DCC: variants seen among roughly 807,000 people sequenced by gnomAD.
The protein encoded by DCC is DCC netrin 1 receptor, also known as netrin receptor DCC.
In DCC, 58 loss-of-function variants were observed where a neutral mutation model predicts 172.5. The observed-to-expected ratio is 0.34, with a 90% confidence interval of 0.27 to 0.42. DCC has a LOEUF of 0.42. Ranked by LOEUF, DCC falls within the 10% of genes least tolerant of loss-of-function variation. The pLI is 1.00. For missense variants in DCC, 1,740 were observed against 1,791.0 expected, an observed-to-expected ratio of 0.97 and a Z score of 0.51; for synonymous variants, 709 against 644.5, an observed-to-expected ratio of 1.10 and a Z score of -1.52.
At chr18:53,300,904 T>G (rs1454265570) in intron 12 of DCC, among the ~76,000 whole-genome samples, 1 of 142,794 alleles carries the variant, frequency 7.0e-6, no homozygotes, top group Non-Finnish European at 1.6e-5. Flanking sequence ...GCTCCATGAC[T>G]GAAGCAGGGA....
At chr18:53,378,049 C>T (rs565890969) in intron 15 of DCC, among the ~76,000 whole-genome samples, 56 of 152,236 alleles carry the variant, frequency 3.7e-4, no homozygotes, top group South Asian at 3.5e-3. Context: ...GCAACTTCTG[C>T]GTCCTGGGTT....
intron 2 of DCC, among the ~76,000 whole-genome samples, chr18:52,881,290 T>C (rs1026154994): frequency 2.6e-5 from 4 of 152,140 alleles, no homozygotes; most frequent in African/African-American, 4.8e-5. Context: ...AAATATTTTC[T>C]TCCAATCTGT....
At chr18:53,284,996 A>G (rs893657395) in intron 12 of DCC, among the ~76,000 whole-genome samples, 1 of 151,960 alleles carries the variant, frequency 6.6e-6, no homozygotes, top group Non-Finnish European at 1.5e-5. Flanking sequence ...GGTGGAAGAA[A>G]TTTCTAAGCA....
chr18:52,391,595 G>A (rs1986032992), intron 1 of DCC, among the ~76,000 whole-genome samples: 1 of 152,084 alleles, frequency 6.6e-6, no homozygotes, highest in African/African-American at 2.4e-5. Context: ...TGTCAGTGAA[G>A]GTTATCATCT....
chr18:53,342,543 T>C (rs1446990205), intron 15 of DCC, among the ~76,000 whole-genome samples: 1 of 151,370 alleles, frequency 6.6e-6, no homozygotes, highest in Non-Finnish European at 1.5e-5. Flanking sequence ...AAAGTGTACT[T>C]TTTGGCATTT....
intron 5 of DCC, among the ~76,000 whole-genome samples, chr18:53,030,932 A>G (rs2042017886): frequency 6.6e-6 from 1 of 152,160 alleles, no homozygotes; most frequent in Admixed American, 6.6e-5. Context: ...ATGGGGCCAC[A>G]TTACCTATAT....
rs190292956 is a variant in DCC at position 53,136,211 on chromosome 18, A to G, written c.1262-21145A>G. 8.9e-4 allele frequency among the ~76,000 whole-genome samples: 134 copies of G among 150,354 alleles called. 1 individual carries two copies. The East Asian group carries it at 0.024, about 27-fold the overall frequency. On this transcript the variant is annotated intron_variant, in intron 7 of 28. Coordinates refer to ENST00000442544, the MANE Select transcript of DCC (RefSeq NM_005215.4). The stretch of plus-strand genomic sequence containing the variant: ...TGTGATTTTATCTATCTATCTATCT[A>G]TATATATATACACACACACACACAT...
intron 2 of DCC, among the ~76,000 whole-genome samples, chr18:52,775,242 C>T (rs1162467843): frequency 2.0e-5 from 3 of 152,058 alleles, no homozygotes; most frequent in Non-Finnish European, 4.4e-5. Context: ...TCTAGGGGAG[C>T]ATACAGATGG....
In DCC at chr18:52,910,775, A is replaced by G. The variant is rs183939518; in HGVS notation, c.697+4447A>G. Among the ~76,000 whole-genome samples the G allele has an allele frequency of 1.8e-3, 267 of 152,276 alleles. 1 individual carries two copies. Among genetic ancestry groups the G allele is most frequent in the African/African-American group, 6.1e-3 (255 of 41,574 alleles). On this transcript the variant is annotated intron_variant, in intron 3 of 28. Transcript: ENST00000442544. ...AATTGATCAATTGGTAATTCAATCT[A>G]TTATTTGTTTAACTACAGTTAGATG...
chr18:53,441,773 C>G (rs756451723), intron 22 of DCC, among the ~76,000 whole-genome samples: 1 of 152,172 alleles, frequency 6.6e-6, no homozygotes, highest in Admixed American at 6.5e-5. Context: ...ACCACTGACC[C>G]CTCTCCACAC....
intron 15 of DCC, among the ~76,000 whole-genome samples, chr18:53,381,980 C>T (rs1017092827): frequency 1.3e-5 from 2 of 151,686 alleles, no homozygotes; most frequent in African/African-American, 2.4e-5. Flanking sequence ...CAATCATATA[C>T]TTTCCAAGAT....
At chr18:52,676,498 T>C (rs1219418832) in intron 1 of DCC, among the ~76,000 whole-genome samples, 2 of 152,172 alleles carry the variant, frequency 1.3e-5, no homozygotes, top group Non-Finnish European at 2.9e-5. Flanking sequence ...GACTTATATC[T>C]CAGAAATTTT....
intron 1 of DCC, among the ~76,000 whole-genome samples, chr18:52,728,053 G>C (rs1419747801): frequency 6.6e-6 from 1 of 152,130 alleles, no homozygotes; most frequent in Non-Finnish European, 1.5e-5. Context: ...TTCTTGGTCA[G>C]TGATTGGATT....
At chr18:53,319,041 C>G (rs1365254093) in intron 13 of DCC, among the ~76,000 whole-genome samples, 2 of 152,078 alleles carry the variant, frequency 1.3e-5, no homozygotes, top group African/African-American at 4.8e-5. Context: ...GAAATAAAAG[C>G]CTTTACAAAC....
At chr18:53,380,937 A>T (rs1907681064) in intron 15 of DCC, among the ~76,000 whole-genome samples, 1 of 152,186 alleles carries the variant, frequency 6.6e-6, no homozygotes, top group Admixed American at 6.5e-5. Context: ...AAATACAGTG[A>T]TTAGTATAAT....
intron 1 of DCC, among the ~76,000 whole-genome samples, chr18:52,467,733 C>T (rs1432007163): frequency 1.3e-5 from 2 of 152,102 alleles, no homozygotes; most frequent in Non-Finnish European, 2.9e-5. Flanking sequence ...TTTTAATAAT[C>T]TTCATTCTAA....
intron 11 of DCC, among the ~76,000 whole-genome samples, chr18:53,212,517 CT>C (rs1311903158): frequency 1.3e-5 from 2 of 152,102 alleles, no homozygotes; most frequent in African/African-American, 4.8e-5. Flanking sequence ...ATTCTCTACT[CT>C]CCTCCCTGAC....
intron 12 of DCC, among the ~76,000 whole-genome samples, chr18:53,290,926 T>C (rs906233935): frequency 1.3e-5 from 2 of 152,146 alleles, no homozygotes; most frequent in African/African-American, 2.4e-5. Context: ...CCCAGCACTT[T>C]GGGAGGCTGA....
chr18:53,254,906 T>G (rs993142720), intron 12 of DCC, among the ~76,000 whole-genome samples: 1 of 152,054 alleles, frequency 6.6e-6, no homozygotes. Flanking sequence ...ATATCCTAAT[T>G]TAACACACCT....
Sources: allele counts gnomAD v4.1 joint callset (sites outside exome capture counted in the v4.1 genomes callset), GRCh38; gene constraint gnomAD v4.1.1; transcripts MANE v1.5; gene names NCBI Gene and HGNC (gene_info 2026-07-23, HGNC 2026-07-21).